Variants in USO1 observed in about 807,000 individuals in gnomAD.
USO1 encodes USO1 vesicle transport factor.
Under a neutral mutation model 124.5 loss-of-function variants are expected in USO1, and 57 were observed. The ratio of observed to expected loss-of-function variants is 0.46; its 90% CI spans 0.37 to 0.57. USO1 has a LOEUF of 0.57. USO1 is among the 20% of genes least tolerant of loss of function. The pLI, the probability that USO1 is intolerant of heterozygous loss-of-function variation, is 0.00. For missense variants in USO1, 900 were observed against 1,040.6 expected (o/e 0.86, Z 1.86); for synonymous variants, 369 against 362.8 (o/e 1.02, Z -0.19).
At chr4:75,778,028 G>GA (rs1187575801) in intron 8 of USO1, among the ~76,000 whole-genome samples, 2 of 152,116 alleles carry the variant, frequency 1.3e-5, no homozygotes, top group Non-Finnish European at 1.5e-5. Context: ...ATCAAACCAT[G>GA]AAAGGACATA....
chr4:75,758,900 A>C lies in USO1; in HGVS notation c.295+1327A>C, dbSNP rs377117588. Among the ~76,000 whole-genome samples, 7 of 152,348 alleles carry C rather than the reference A, an allele frequency of 4.6e-5. No individual in the cohort carries two copies. The South Asian group carries it at 8.3e-4, about 18-fold the overall frequency. ...ACAAGAATATACTTTGAAGAAAAAG[A>C]TACTTATTTTCCCTAGTTATTTCTA... On this transcript the variant is annotated intron_variant, in intron 4 of 23. Coordinates refer to ENST00000514213, the MANE Select transcript of USO1 (RefSeq NM_003715.4).
At chr4:75,742,555 T>C (rs75293293) in intron 1 of USO1, among the ~76,000 whole-genome samples, 3 of 152,254 alleles carry the variant, frequency 2.0e-5, no homozygotes, top group African/African-American at 7.2e-5. Context: ...ATATGTGTTA[T>C]TCAGATGGTG....
intron 8 of USO1, among the ~76,000 whole-genome samples, chr4:75,777,460 A>G (rs1722102555): frequency 6.6e-6 from 1 of 152,226 alleles, no homozygotes; most frequent in Admixed American, 6.5e-5. Context: ...AGGGACTTGT[A>G]TCTAAAATAT....
chr4:75,785,000 C>T (rs907517907), intron 9 of USO1, among the ~76,000 whole-genome samples: 2 of 152,148 alleles, frequency 1.3e-5, no homozygotes, highest in Non-Finnish European at 2.9e-5. Flanking sequence ...GAGTTTAATT[C>T]ATTTTAATAT....
intron 4 of USO1, among the ~76,000 whole-genome samples, chr4:75,768,386 G>A (rs545069307): frequency 6.6e-6 from 1 of 152,256 alleles, no homozygotes; most frequent in South Asian, 2.1e-4. Context: ...AAATGTTTTT[G>A]TTGATGCTAT....
At chr4:75,773,431 A>G (rs1262824792) in intron 7 of USO1, among the ~76,000 whole-genome samples, 1 of 152,136 alleles carries the variant, frequency 6.6e-6, no homozygotes, top group Non-Finnish European at 1.5e-5. Context: ...TTTAGTCTTT[A>G]TAAAAACCCT....
At chr4:75,802,967 C>G (rs1355130068) in intron 17 of USO1, among the ~76,000 whole-genome samples, 1 of 148,802 alleles carries the variant, frequency 6.7e-6, no homozygotes, top group Non-Finnish European at 1.5e-5. Flanking sequence ...GCCTATAATC[C>G]CAGCTACTCA....
chr4:75,800,385 A>G lies in USO1; in HGVS notation c.1598A>G (p.Glu533Gly). ...TGQIAENLGE[E>G]EQLVQGLCAL... ...CAAATTGCAGAAAATCTTGGAGAAG[A>G]AGAGCAGTTGGTCCAAGGCTTATGT... The change falls in exon 15 of 24, where the codon GAA becomes GGA. Residue 533 changes from glutamate (E) to glycine (G), a missense_variant. Physicochemically the swap from Glu to Gly is moderately conservative, Grantham distance 98. Coordinates refer to ENST00000514213, the MANE Select transcript of USO1 (RefSeq NM_003715.4). 1 of 1,599,460 alleles carries G rather than the reference A, an allele frequency of 6.3e-7. No homozygotes were observed. The highest frequency in any genetic ancestry group is 1.1e-5 in the South Asian group (1 of 88,202).
rs190792453 is a variant in USO1 at position 75,724,737 on chromosome 4, G to A, written c.-83G>A. On this transcript the variant is annotated 5_prime_UTR_variant, in exon 1 of 24. Transcript: ENST00000514213. Reference sequence around the variant, plus strand: ...TAGGAGTGTGTAGAGTGCGGGATTGGGGCCCAGGCCCTGCGGAGGGCGGGG... The same window carrying A: ...TAGGAGTGTGTAGAGTGCGGGATTGAGGCCCAGGCCCTGCGGAGGGCGGGG... 1.7e-3 allele frequency: 2,406 copies of A among 1,452,064 alleles called. 9 individuals are homozygous for A. Among genetic ancestry groups the A allele is most frequent in the Non-Finnish European group, 2.2e-3 (2,269 of 1,050,178 alleles). The allele number at this position is 1,452,064 out of a possible 1,614,324, so 89.9% of individuals were successfully genotyped here.
At chr4:75,801,032 G>A (rs1722835263) in intron 16 of USO1, 47 bp from the exon 17 acceptor site, 2 of 1,447,854 alleles carry the variant, frequency 1.4e-6, no homozygotes, top group African/African-American at 1.4e-5. Flanking sequence ...TAGTAAAATA[G>A]TATTTAAAAC....
At chr4:75,777,232 A>G (rs1287136859) in intron 8 of USO1, among the ~76,000 whole-genome samples, 2 of 152,122 alleles carry the variant, frequency 1.3e-5, no homozygotes, top group Non-Finnish European at 2.9e-5. Context: ...GTAGTTTTAT[A>G]TAGTATTTAA....
intron 13 of USO1, among the ~76,000 whole-genome samples, chr4:75,794,839 T>TG (rs1408095723): frequency 6.6e-6 from 1 of 152,236 alleles, no homozygotes; most frequent in Non-Finnish European, 1.5e-5. Context: ...AAAAGGAAGT[T>TG]GAAGTTTAAA....
intron 1 of USO1, among the ~76,000 whole-genome samples, chr4:75,747,602 C>CTTTT (rs59636038): frequency 5.4e-4 from 45 of 83,692 alleles, no homozygotes; most frequent in South Asian, 1.2e-3. Context: ...TCACCTTTGA[C>CTTTT]TTTTTTTTTT....
chr4:75,798,606 A>T (rs749398820), intron 13 of USO1, among the ~76,000 whole-genome samples: 2 of 152,220 alleles, frequency 1.3e-5, no homozygotes, highest in African/African-American at 4.8e-5. Flanking sequence ...TCAATATTAA[A>T]TATACCTAAA....
At position 75,745,409 on chromosome 4, in the gene USO1, T is replaced by TA. The variant is rs527696290; in HGVS notation, c.67-6955dup. ...CTGTATTACTATGTTCCTTTGTTAC[T>TA]AAAAAAAAATTCTTGCAGTCCCTGT... On this transcript the variant is annotated intron_variant, in intron 1 of 23. Transcript: ENST00000514213. 403 of 494,424 alleles carry TA rather than the reference T, an allele frequency of 8.2e-4. 2 individuals carry two copies. Among genetic ancestry groups the TA allele is most frequent in the African/African-American group, 5.0e-3 (252 of 50,460 alleles). 30.6% of individuals were successfully genotyped at this position (494,424 alleles called of 1,614,324 possible).
At chr4:75,729,915 A>G (rs1720580642) in intron 1 of USO1, 2 of 413,018 alleles carry the variant, frequency 4.8e-6, no homozygotes, top group Non-Finnish European at 9.5e-6. Context: ...AAGAGTGTGG[A>G]CTTAAATTTA....
chr4:75,726,317 G>C (rs1230751900), intron 1 of USO1, among the ~76,000 whole-genome samples: 6 of 145,668 alleles, frequency 4.1e-5, no homozygotes, highest in Non-Finnish European at 7.5e-5. Flanking sequence ...GAAGTAACTT[G>C]ACCAATGTCA....
rs748753129 is a variant in USO1, at chr4:75,809,065, C to T, written c.2475+14C>T. Reference sequence around the variant, plus strand: ...ACAGAAGCGTTTGTAAGTATTTTCTCTTTTTTCTCTGGAAGGTAATAAAGA... The same window carrying T: ...ACAGAAGCGTTTGTAAGTATTTTCTTTTTTTTCTCTGGAAGGTAATAAAGA... On this transcript the variant is annotated intron_variant, in intron 21 of 23. Coordinates refer to ENST00000514213, the MANE Select transcript of USO1 (RefSeq NM_003715.4). 4.5e-6 allele frequency: 7 copies of T among 1,557,382 alleles called. No individual in the cohort carries two copies. The highest frequency in any genetic ancestry group is 6.1e-6 in the Non-Finnish European group (7 of 1,155,118).
Position 75,793,649 on chromosome 4 carries a change from A to G in USO1, c.1241-41A>G, listed in dbSNP as rs772451286. On this transcript the variant is annotated intron_variant, in intron 12 of 23. Transcript: ENST00000514213. ...TTTATTTAAAATTTGGTTTACGTCA[A>G]AATCTAATATATTTTTATTGTCTGC... 3.2e-6 allele frequency: 5 copies of G among 1,553,510 alleles called. No homozygotes were observed. The Admixed American group carries it at 9.8e-5, about 31-fold the overall frequency.
Sources: gnomAD v4.1 joint callset for allele counts (sites outside exome capture counted in the v4.1 genomes callset) on GRCh38, gnomAD v4.1.1 for gene constraint, MANE v1.5 for transcripts, NCBI Gene and HGNC (gene_info 2026-07-23, HGNC 2026-07-21) for gene names.